UBAP2: variants seen among roughly 807,000 people sequenced by gnomAD.
The protein encoded by UBAP2 is ubiquitin-associated protein 2.
In UBAP2, 75 loss-of-function variants were observed where a neutral mutation model predicts 139.6. That is an observed-to-expected ratio of 0.54 (90% CI 0.45 to 0.65). The LOEUF (loss-of-function observed/expected upper bound fraction) is 0.65. Ranked by LOEUF, UBAP2 falls within the 30% of genes least tolerant of loss-of-function variation. UBAP2 has a pLI of 0.00. For synonymous variants in UBAP2, 526 were observed against 526.2 expected, an observed-to-expected ratio of 1.00 and a Z score of 0.01; for missense variants, 1,368 against 1,369.6, an observed-to-expected ratio of 1.00 and a Z score of 0.02.
At chr9:34,018,933 C>T (rs1185038399) in intron 1 of UBAP2, among the ~76,000 whole-genome samples, 10 of 151,306 alleles carry the variant, frequency 6.6e-5, no homozygotes, top group African/African-American at 2.4e-4. Flanking sequence ...TTCATAATAG[C>T]CAAAAAGTGG....
chr9:33,983,036 C>A (rs1201148231), intron 6 of UBAP2, among the ~76,000 whole-genome samples: 2 of 151,976 alleles, frequency 1.3e-5, no homozygotes. Context: ...TGCCACCATA[C>A]CCAGCTAATT....
chr9:33,928,199 A>G (rs1316321158), intron 19 of UBAP2: 1 of 540,544 alleles, frequency 1.8e-6, no homozygotes, highest in Non-Finnish European at 3.3e-6. Flanking sequence ...ATCAGGATAC[A>G]ATACATAAAC....
Position 33,923,886 on chromosome 9 carries a change from A to C in UBAP2, c.2705T>G (p.Val902Gly). Residue 902 changes from valine (V) to glycine (G), a missense_variant, in exon 24 of 29, where the codon GTG becomes GGG. By Grantham distance (109) the Val-to-Gly change is moderately radical. Transcript: ENST00000379238. ...QTHHTAQQPF[V>G]NPALPPGYSY... ...ATAGCCAGGTGGCAGTGCAGGATTC[A>C]CGAAGGGCTGCTGGGCTGTGTGGTG... 5.0e-6 allele frequency: 8 copies of C among 1,614,182 alleles called. No homozygotes were observed. The highest frequency in any genetic ancestry group is 6.8e-6 in the Non-Finnish European group (8 of 1,180,012).
rs1823619508 is a variant in UBAP2 at position 33,927,997 on chromosome 9, CA to C, written c.2176-6del. 1.2e-6 allele frequency: 2 copies of C among 1,607,668 alleles called. No homozygotes were observed. The stretch of plus-strand genomic sequence containing the variant: ...GGCGCTCTCCACACTGGCATGCTGG[CA>C]AAAGAAAAGCCAGGACACATGGATC... On this transcript the variant is annotated splice_polypyrimidine_tract_variant and splice_region_variant and intron_variant, in intron 19 of 28. Coordinates refer to ENST00000379238, the MANE Select transcript of UBAP2 (RefSeq NM_001370062.2).
At chr9:34,012,838 G>T (rs1264490314) in intron 2 of UBAP2, among the ~76,000 whole-genome samples, 3 of 135,448 alleles carry the variant, frequency 2.2e-5, no homozygotes, top group African/African-American at 7.5e-5. Flanking sequence ...ATCTCACAAT[G>T]TATTTTTTTT....
At chr9:33,950,204 T>C (rs1305364514) in intron 12 of UBAP2, among the ~76,000 whole-genome samples, 2 of 152,108 alleles carry the variant, frequency 1.3e-5, no homozygotes, top group Non-Finnish European at 2.9e-5. Context: ...TAGCTGGGAC[T>C]ACAGGCGCCC....
intron 2 of UBAP2, among the ~76,000 whole-genome samples, chr9:34,011,200 A>G (rs565279860): frequency 1.3e-5 from 2 of 152,174 alleles, no homozygotes; most frequent in Non-Finnish European, 2.9e-5. Context: ...TGGGGCTTAT[A>G]TATGTTTCTA....
chr9:33,980,416 T>TC (rs1820557573), intron 6 of UBAP2, among the ~76,000 whole-genome samples: 1 of 150,152 alleles, frequency 6.7e-6, no homozygotes, highest in Non-Finnish European at 1.5e-5. Context: ...TTGTATTTTT[T>TC]TTTTTTAGTA....
chr9:33,961,573 G>A (rs1827047458), intron 9 of UBAP2, among the ~76,000 whole-genome samples: 1 of 152,090 alleles, frequency 6.6e-6, no homozygotes, highest in Admixed American at 6.6e-5. Context: ...TAAGTAGAGG[G>A]CCATTGTTTA....
At chr9:34,013,856 G>A (rs1823993835) in intron 2 of UBAP2, among the ~76,000 whole-genome samples, 3 of 151,088 alleles carry the variant, frequency 2.0e-5, no homozygotes, top group East Asian at 2.0e-4. Context: ...CAGCCTGGGC[G>A]ACAGAGCGAG....
intron 15 of UBAP2, among the ~76,000 whole-genome samples, 161 bp from the exon 16 acceptor site, chr9:33,942,023 G>T (rs1249533191): frequency 6.6e-6 from 1 of 152,032 alleles, no homozygotes; most frequent in Non-Finnish European, 1.5e-5. Context: ...ACATCTTTAA[G>T]AATACTTAGG....
intron 8 of UBAP2, among the ~76,000 whole-genome samples, chr9:33,970,866 G>C (rs1054952571): frequency 6.6e-6 from 1 of 152,186 alleles, no homozygotes; most frequent in East Asian, 1.9e-4. Context: ...GCAATGGCAC[G>C]ATCTCGGCTC....
chr9:34,045,073 C>A (rs555215682), intron 1 of UBAP2, among the ~76,000 whole-genome samples: 1 of 151,308 alleles, frequency 6.6e-6, no homozygotes, highest in African/African-American at 2.4e-5. Context: ...AAAGGCTGGG[C>A]GCCGTGGCTC....
intron 2 of UBAP2, among the ~76,000 whole-genome samples, chr9:34,006,158 G>A (rs1182765622): frequency 1.3e-5 from 2 of 151,572 alleles, no homozygotes; most frequent in Non-Finnish European, 2.9e-5. Context: ...GCTTGAACCC[G>A]GGAGGCCAGA....
chr9:33,968,854 C>T (rs1827674799), intron 8 of UBAP2, among the ~76,000 whole-genome samples: 1 of 152,162 alleles, frequency 6.6e-6, no homozygotes, highest in African/African-American at 2.4e-5. Context: ...CCAAATAGTT[C>T]TATCTCTAGG....
intron 1 of UBAP2, among the ~76,000 whole-genome samples, chr9:34,033,485 G>A (rs940683996): frequency 3.9e-5 from 6 of 152,108 alleles, no homozygotes; most frequent in African/African-American, 1.4e-4. Context: ...TGGGGGACTT[G>A]GGGGAGGTAG....
intron 26 of UBAP2, 60 bp from the exon 27 acceptor site, chr9:33,923,093 C>A: frequency 6.2e-7 from 1 of 1,613,022 alleles, no homozygotes; most frequent in Non-Finnish European, 8.5e-7. Flanking sequence ...CTCCCCACCT[C>A]CAGGATCACT....
At chr9:33,969,475 A>G (rs1444414478) in intron 8 of UBAP2, among the ~76,000 whole-genome samples, 1 of 152,034 alleles carries the variant, frequency 6.6e-6, no homozygotes, top group African/African-American at 2.4e-5. Flanking sequence ...CTTGAACCCA[A>G]TGGTTCAAGG....
intron 9 of UBAP2, among the ~76,000 whole-genome samples, chr9:33,962,512 G>A (rs1474393615): frequency 6.6e-6 from 1 of 152,058 alleles, no homozygotes; most frequent in Non-Finnish European, 1.5e-5. Flanking sequence ...CAGGCGTGGT[G>A]GCGTGTGCCT....
Sources: allele counts gnomAD v4.1 joint callset (sites outside exome capture counted in the v4.1 genomes callset), GRCh38; gene constraint gnomAD v4.1.1; transcripts MANE v1.5; gene names NCBI Gene and HGNC (gene_info 2026-07-23, HGNC 2026-07-21).